SLC4A4: variants seen among roughly 807,000 people sequenced by gnomAD.
SLC4A4 encodes solute carrier family 4 member 4.
Under a neutral mutation model 111.5 loss-of-function variants are expected in SLC4A4, and 27 were observed. The ratio of observed to expected loss-of-function variants is 0.24; its 90% CI spans 0.18 to 0.33. The LOEUF (loss-of-function observed/expected upper bound fraction) is 0.33. Among genes scored for constraint, SLC4A4 ranks in the 10% least tolerant of loss-of-function variants. The probability of loss-of-function intolerance (pLI) is 1.00; values close to 1 mark genes in which losing one functional copy is unlikely to be tolerated. For missense variants in SLC4A4, 909 were observed against 1,315.5 expected (o/e 0.69, Z 4.78); for synonymous variants, 443 against 463.4 (o/e 0.96, Z 0.57).
intron 2 of SLC4A4, among the ~76,000 whole-genome samples, chr4:71,156,813 G>A (rs191617364): frequency 1.3e-5 from 2 of 152,178 alleles, no homozygotes; most frequent in Admixed American, 6.5e-5. Context: ...TTTTGGCCTC[G>A]TTTCAACAAT....
chr4:71,534,322 T>C lies in SLC4A4; in HGVS notation c.2376T>C (p.Thr792=). The change falls in exon 18 of 26, where the codon ACT becomes ACC. Residue 792 remains threonine (T), a synonymous_variant. Coordinates refer to ENST00000264485, the MANE Select transcript of SLC4A4 (RefSeq NM_001098484.3). ...LAAAIPALLV[T]ILIFMDQQIT... is the part of the protein sequence containing the mutation. Reference sequence around the variant, plus strand: ...CTGCTATCCCGGCTTTGTTGGTCACTATACTGATTTTCATGGACCAACAAA... The same window carrying C: ...CTGCTATCCCGGCTTTGTTGGTCACCATACTGATTTTCATGGACCAACAAA... 1 of 1,613,712 alleles carries C rather than the reference T, an allele frequency of 6.2e-7. No individual in the cohort carries two copies. The highest frequency in any genetic ancestry group is 8.5e-7 in the Non-Finnish European group (1 of 1,179,752).
chr4:71,416,408 T>G (rs544808435), intron 7 of SLC4A4, among the ~76,000 whole-genome samples: 3 of 152,344 alleles, frequency 2.0e-5, no homozygotes, highest in Middle Eastern at 6.8e-3. Context: ...GACAATATTG[T>G]ATAATAAAAG....
intron 16 of SLC4A4, among the ~76,000 whole-genome samples, chr4:71,531,132 A>G (rs893412144): frequency 1.4e-4 from 21 of 152,274 alleles, no homozygotes; most frequent in African/African-American, 4.3e-4. Context: ...AAGCTCAGGT[A>G]TCTGTGCTCT....
intron 1 of SLC4A4, among the ~76,000 whole-genome samples, chr4:71,075,648 A>C (rs1296420056): frequency 6.6e-6 from 1 of 152,078 alleles, no homozygotes. Context: ...GTCTCCGCTC[A>C]AATGTCTTGG....
chr4:71,269,506 A>T (rs952706254), intron 3 of SLC4A4, among the ~76,000 whole-genome samples: 3 of 151,800 alleles, frequency 2.0e-5, no homozygotes, highest in Admixed American at 1.3e-4. Flanking sequence ...GTCTTTAAAA[A>T]TTTTTTTTTG....
upstream of SLC4A4, chr4:71,186,869 G>C (rs1287204153): frequency 1.3e-5 from 2 of 152,234 alleles, no homozygotes; most frequent in African/African-American, 2.4e-5. Flanking sequence ...GTTACTAGCA[G>C]GAACATCAGA....
chr4:71,424,850 G>A (rs984072914), intron 7 of SLC4A4, among the ~76,000 whole-genome samples: 26 of 151,980 alleles, frequency 1.7e-4, no homozygotes, highest in African/African-American at 5.1e-4. Flanking sequence ...GTGGAGTGGC[G>A]GGGGAGGGAG....
At position 71,255,403 on chromosome 4, in the gene SLC4A4, A is replaced by G. The variant is rs1287497374; in HGVS notation, c.253+4A>G. 6.2e-7 allele frequency: 1 copy of G among 1,613,306 alleles called. No homozygotes were observed. Among genetic ancestry groups the G allele is most frequent in the African/African-American group, 1.3e-5 (1 of 75,016 alleles). On this transcript the variant is annotated splice_donor_region_variant and intron_variant, in intron 3 of 25. Coordinates refer to ENST00000264485, the MANE Select transcript of SLC4A4 (RefSeq NM_001098484.3). ...AGCAGCATCCTAAAACCTCTCAGTG[A>G]GTACTCTCTGAGCGTTGGTGCCTCT...
chr4:71,193,284 C>CG (rs1560771148), intron 1 of SLC4A4, among the ~76,000 whole-genome samples: 1 of 152,154 alleles, frequency 6.6e-6, no homozygotes, highest in African/African-American at 2.4e-5. Context: ...CTCAGCCTCC[C>CG]GAGTAGCTGG....
intron 2 of SLC4A4, among the ~76,000 whole-genome samples, chr4:71,094,256 C>T (rs1044121156): frequency 2.0e-5 from 3 of 152,096 alleles, no homozygotes; most frequent in Non-Finnish European, 4.4e-5. Flanking sequence ...GGTGTCTTGT[C>T]CTGCCTGGTT....
intron 6 of SLC4A4, among the ~76,000 whole-genome samples, chr4:71,364,557 G>A (rs1207623265): frequency 6.6e-6 from 1 of 152,172 alleles, no homozygotes; most frequent in Non-Finnish European, 1.5e-5. Context: ...CATAGATGGT[G>A]CGTTCTATGG....
At chr4:71,424,946 T>G (rs1722977351) in intron 7 of SLC4A4, among the ~76,000 whole-genome samples, 1 of 152,052 alleles carries the variant, frequency 6.6e-6, no homozygotes. Flanking sequence ...CATATGTAAC[T>G]AACCTGCACC....
intron 3 of SLC4A4, among the ~76,000 whole-genome samples, chr4:71,335,249 T>G (rs1436344351): frequency 6.6e-6 from 1 of 152,186 alleles, no homozygotes; most frequent in Non-Finnish European, 1.5e-5. Flanking sequence ...CTAGTTCTGA[T>G]TTAGGGATCT....
intron 2 of SLC4A4, among the ~76,000 whole-genome samples, chr4:71,101,902 T>C (rs1252230870): frequency 3.3e-5 from 5 of 151,758 alleles, no homozygotes; most frequent in South Asian, 4.2e-4. Context: ...TCACCAGCAA[T>C]GGAACAAAGC....
At chr4:71,273,505 G>T (rs1722844958) in intron 3 of SLC4A4, among the ~76,000 whole-genome samples, 1 of 152,132 alleles carries the variant, frequency 6.6e-6, no homozygotes, top group African/African-American at 2.4e-5. Flanking sequence ...GTTGGTTTCA[G>T]TCCCCAGGGC....
intron 14 of SLC4A4, among the ~76,000 whole-genome samples, chr4:71,475,848 G>A (rs1207163925): frequency 3.3e-5 from 5 of 151,822 alleles, no homozygotes; most frequent in Non-Finnish European, 7.4e-5. Context: ...ACTGTTAGCT[G>A]CCATTATTAT....
intron 2 of SLC4A4, among the ~76,000 whole-genome samples, chr4:71,174,994 TAGACATTC>T (rs1745044411): frequency 1.3e-5 from 2 of 152,238 alleles, no homozygotes; most frequent in South Asian, 4.1e-4. Context: ...TGAAAGGGGT[TAGACATTC>T]TAGTCTTGTC....
At chr4:71,413,088 C>G (rs893397274) in intron 7 of SLC4A4, among the ~76,000 whole-genome samples, 1 of 152,128 alleles carries the variant, frequency 6.6e-6, no homozygotes, top group Non-Finnish European at 1.5e-5. Context: ...GTGTCAGTGT[C>G]TTATTTTCCT....
chr4:71,312,224 GA>G (rs1166363967), intron 3 of SLC4A4, among the ~76,000 whole-genome samples: 2 of 152,160 alleles, frequency 1.3e-5, no homozygotes, highest in Non-Finnish European at 2.9e-5. Flanking sequence ...AAATCAGGGA[GA>G]AGTTGAGTCC....
Sources: allele counts gnomAD v4.1 joint callset (sites outside exome capture counted in the v4.1 genomes callset), GRCh38; gene constraint gnomAD v4.1.1; transcripts MANE v1.5; gene names NCBI Gene and HGNC (gene_info 2026-07-23, HGNC 2026-07-21).